The following KRT7 variants were observed in gnomAD, a reference collection of about 807,000 sequenced individuals.
KRT7 encodes the protein keratin, type II cytoskeletal 7.
A neutral mutation model predicts 42.8 loss-of-function variants in KRT7; 50 were observed. That is an observed-to-expected ratio of 1.17 (90% CI 0.93 to 1.48). KRT7 has a LOEUF of 1.48. Among genes scored for constraint, KRT7 ranks in the 40% most tolerant of loss-of-function variants. The probability of loss-of-function intolerance (pLI) is 0.00; values close to 1 mark genes in which losing one functional copy is unlikely to be tolerated. For synonymous variants in KRT7, 268 were observed against 266.3 expected (o/e 1.01, Z -0.06); for missense variants, 588 against 637.6 (o/e 0.92, Z 0.84).
Position 52,233,586 on chromosome 12 carries a change from C to G in KRT7, c.290C>G (p.Thr97Ser). 1 of 1,613,084 alleles carries G rather than the reference C, an allele frequency of 6.2e-7. No homozygotes were observed. Among genetic ancestry groups the G allele is most frequent in the Non-Finnish European group, 8.5e-7 (1 of 1,179,804 alleles). ...VRQEESEQIK[T>S]LNNKFASFID... ...CAGGAGGAGAGCGAGCAGATCAAGA[C>G]CCTCAACAACAAGTTTGCCTCCTTC... The change falls in exon 1 of 9, where the codon ACC becomes AGC. Residue 97 changes from threonine to serine, a missense_variant. Transcript: ENST00000331817.
At chr12:52,250,208 G>A (rs1297588992), downstream of KRT7, among the ~76,000 whole-genome samples, 2 of 152,240 alleles carry the variant, frequency 1.3e-5, no homozygotes, top group Non-Finnish European at 2.9e-5. Flanking sequence ...CCGGACCGGG[G>A]TCTTTACCTA....
intron 3 of KRT7, among the ~76,000 whole-genome samples, chr12:52,237,944 C>T (rs753211534): frequency 6.6e-6 from 1 of 152,164 alleles, no homozygotes; most frequent in African/African-American, 2.4e-5. Flanking sequence ...TGAGCTGCCT[C>T]GAGCCAGCAT....
At chr12:52,237,635 T>G in intron 3 of KRT7, 66 bp downstream of exon 3, 1 of 1,390,902 alleles carries the variant, frequency 7.2e-7, no homozygotes, top group Non-Finnish European at 1.0e-6. Context: ...CACAGGATCC[T>G]CTCACCTGAG....
chr12:52,253,070 T>G, downstream of KRT7: 1 of 800,620 alleles, frequency 1.2e-6, no homozygotes, highest in Non-Finnish European at 2.1e-6. Context: ...ATGGAGAACG[T>G]TTTCCATGGA....
chr12:52,241,606 G>A lies in KRT7; in HGVS notation c.828G>A (p.Arg276=). Residue 276 remains arginine, a synonymous_variant, in exon 5 of 9, where the codon CGG becomes CGA. Transcript: ENST00000331817. Reference sequence around the variant, plus strand: ...ATGAGGAGATGGCCAAATGCAGCCGGGCTGAGGCTGAAGCCTGGTACCAGA... The same window carrying A: ...ATGAGGAGATGGCCAAATGCAGCCGAGCTGAGGCTGAAGCCTGGTACCAGA... The part of the protein sequence containing the change: ...AQYEEMAKCS[R]AEAEAWYQTK... 1 of 1,612,218 alleles carries A rather than the reference G, an allele frequency of 6.2e-7. No individual in the cohort carries two copies. Among genetic ancestry groups the A allele is most frequent in the South Asian group, 1.1e-5 (1 of 90,778 alleles).
At chr12:52,239,110 G>T (rs1238844828) in intron 4 of KRT7, among the ~76,000 whole-genome samples, 2 of 152,154 alleles carry the variant, frequency 1.3e-5, no homozygotes, top group Admixed American at 6.5e-5. Context: ...ATTGGTTGTT[G>T]GGTTGGGGCT....
intron 6 of KRT7, chr12:52,244,529 G>A: frequency 1.0e-6 from 1 of 985,786 alleles, no homozygotes; most frequent in Non-Finnish European, 1.2e-6. Context: ...GAGTGTCAGA[G>A]GGCCTCCTGG....
At chr12:52,241,882 A>G (rs985205864) in intron 5 of KRT7, 2 of 298,754 alleles carry the variant, frequency 6.7e-6, no homozygotes, top group Non-Finnish European at 1.2e-5. Context: ...TACTAGGCTC[A>G]TGTAATTATT....
intron 2 of KRT7, among the ~76,000 whole-genome samples, chr12:52,236,208 A>ACCC: frequency 7.0e-6 from 1 of 143,566 alleles, no homozygotes; most frequent in East Asian, 2.1e-4. Context: ...CCCCCCCCCA[A>ACCC]CACTCCCACT....
rs765766949 is a variant in KRT7 at position 52,248,583 on chromosome 12, T to G, written c.1241-8T>G. The G allele has an allele frequency of 6.4e-7, 1 of 1,564,702 alleles. No individual in the cohort carries two copies. Among genetic ancestry groups the G allele is most frequent in the Non-Finnish European group, 8.7e-7 (1 of 1,153,864 alleles). On this transcript the variant is annotated splice_polypyrimidine_tract_variant and splice_region_variant and intron_variant, in intron 8 of 8. Transcript: ENST00000331817. ...CGCTGAAGAGAGCCCTCCTCTTTTC[T>G]CTCCCAGCTGTGATGAATTCCACTG...
At position 52,241,539 on chromosome 12, in the gene KRT7, C is replaced by T. The variant is rs2121088409; in HGVS notation, c.761C>T (p.Ser254Phe). Reference sequence around the variant, plus strand: ...GTGCTGTCCATGGACAACAGTCGCTCCCTGGACCTGGACGGCATCATCGCT... The same window carrying T: ...GTGCTGTCCATGGACAACAGTCGCTTCCTGGACCTGGACGGCATCATCGCT... ...SVVLSMDNSR[S>F]LDLDGIIAEV... Residue 254 changes from serine to phenylalanine, a missense_variant, in exon 5 of 9, where the codon TCC becomes TTC. Coordinates refer to ENST00000331817, the MANE Select transcript of KRT7 (RefSeq NM_005556.4). The T allele has an allele frequency of 1.2e-6, 2 of 1,614,002 alleles. No individual in the cohort carries two copies. The highest frequency in any genetic ancestry group is 2.2e-5 in the South Asian group (2 of 91,042).
chr12:52,235,254 G>A lies in KRT7; in HGVS notation c.424G>A (p.Glu142Lys), dbSNP rs201359623. 5 of 1,614,206 alleles carry A rather than the reference G, an allele frequency of 3.1e-6. No individual in the cohort carries two copies. In the African/African-American group the frequency reaches 5.3e-5, roughly 17 times the overall value. Residue 142 changes from glutamate to lysine, a missense_variant, in exon 2 of 9, where the codon GAG becomes AAG. Transcript: ENST00000331817. ...AKSSRLPDIF[E>K]AQIAGLRGQL... is the part of the protein sequence containing the mutation. ...GAGCAGCCGCCTCCCAGACATCTTT[G>A]AGGCCCAGATTGCTGGCCTTCGGGG... is the stretch of plus-strand genomic sequence containing the variant.
chr12:52,241,378 C>G lies in KRT7; in HGVS notation c.694-94C>G, dbSNP rs112152646. On this transcript the variant is annotated intron_variant, in intron 4 of 8. Coordinates refer to ENST00000331817, the MANE Select transcript of KRT7 (RefSeq NM_005556.4). Reference sequence around the variant, plus strand: ...GTGACTCAGCCCACTCCCAGCTGTTCTCTCTTTTCTTTCCTTTGTGAGTGG... The same window carrying G: ...GTGACTCAGCCCACTCCCAGCTGTTGTCTCTTTTCTTTCCTTTGTGAGTGG... 8.6e-5 allele frequency: 99 copies of G among 1,152,368 alleles called. 1 individual carries two copies. The African/African-American group carries it at 1.2e-3, about 14-fold the overall frequency. The allele number at this position is 1,152,368 out of a possible 1,614,324, so 71.4% of individuals were successfully genotyped here. A position where few individuals can be genotyped will look rare whatever the true frequency, so the allele number is the denominator to read the frequency against.
downstream of KRT7, chr12:52,253,721 G>A (rs1286131978): frequency 6.3e-6 from 8 of 1,266,300 alleles, no homozygotes; most frequent in South Asian, 2.3e-5. Flanking sequence ...CCATCTTGAC[G>A]ACCACTGAGG....
chr12:52,254,248 C>T (rs769373253), downstream of KRT7: 20 of 786,118 alleles, frequency 2.5e-5, no homozygotes, highest in Middle Eastern at 2.5e-4. Flanking sequence ...CTTGCTGCCC[C>T]GCTGCTTTGT....
At chr12:52,250,103 G>T (rs977905676), downstream of KRT7, among the ~76,000 whole-genome samples, 1 of 152,182 alleles carries the variant, frequency 6.6e-6, no homozygotes. Context: ...TGTCCTGCAC[G>T]TGTATTAGAA....
At chr12:52,235,903 T>C (rs1360943202) in intron 2 of KRT7, among the ~76,000 whole-genome samples, 1 of 151,852 alleles carries the variant, frequency 6.6e-6, no homozygotes. Flanking sequence ...AGAGGGAAAA[T>C]GGTCATTGTG....
chr12:52,251,004 G>A (rs1760140645), downstream of KRT7, among the ~76,000 whole-genome samples: 1 of 152,082 alleles, frequency 6.6e-6, no homozygotes, highest in South Asian at 2.1e-4. Context: ...TTTTGAGACG[G>A]AGTCTCTCTC....
At chr12:52,242,320 G>A (rs1212254282) in intron 5 of KRT7, among the ~76,000 whole-genome samples, 1 of 152,212 alleles carries the variant, frequency 6.6e-6, no homozygotes, top group Admixed American at 6.5e-5. Flanking sequence ...GAGAGGTTAA[G>A]TAATTTGCCT....
Sources: allele counts gnomAD v4.1 joint callset (sites outside exome capture counted in the v4.1 genomes callset), GRCh38; gene constraint gnomAD v4.1.1; transcripts MANE v1.5; gene names NCBI Gene and HGNC (gene_info 2026-07-23, HGNC 2026-07-21).